The following SVEP1 variants were observed in gnomAD, a reference collection of about 807,000 sequenced individuals.
The protein encoded by SVEP1 is sushi, von Willebrand factor type A, EGF and pentraxin domain-containing protein 1.
SVEP1 carries 164 observed loss-of-function variants against 367.3 expected under a neutral mutation model. That is an observed-to-expected ratio of 0.45 (90% CI 0.39 to 0.51). The LOEUF (loss-of-function observed/expected upper bound fraction) is 0.51. Among genes scored for constraint, SVEP1 ranks in the 20% least tolerant of loss-of-function variants. The pLI, the probability that SVEP1 is intolerant of heterozygous loss-of-function variation, is 0.00. For synonymous variants in SVEP1, 1,666 were observed against 1,611.6 expected (o/e 1.03, Z -0.81); for missense variants, 4,117 against 4,425.3 (o/e 0.93, Z 1.98).
chr9:110,402,280 A>G (rs1827875803), intron 39 of SVEP1, among the ~76,000 whole-genome samples: 1 of 152,126 alleles, frequency 6.6e-6, no homozygotes, highest in Non-Finnish European at 1.5e-5. Context: ...CATGAATACT[A>G]CACTAAGAGT....
chr9:110,388,909 C>T (rs1230334329), intron 41 of SVEP1, among the ~76,000 whole-genome samples: 1 of 152,162 alleles, frequency 6.6e-6, no homozygotes, highest in Non-Finnish European at 1.5e-5. Flanking sequence ...GTGGAGGTTG[C>T]AGTGAGCTGA....
intron 46 of SVEP1, among the ~76,000 whole-genome samples, chr9:110,373,434 G>A (rs945183527): frequency 6.6e-6 from 1 of 152,068 alleles, no homozygotes; most frequent in Non-Finnish European, 1.5e-5. Flanking sequence ...TCTCAAAAAT[G>A]TCCTGGTTTG....
At chr9:110,507,515 T>C (rs1005485709) in intron 5 of SVEP1, among the ~76,000 whole-genome samples, 1 of 152,184 alleles carries the variant, frequency 6.6e-6, no homozygotes, top group Non-Finnish European at 1.5e-5. Context: ...TTAGAGAAAA[T>C]GCAAGAGTTA....
chr9:110,370,386 A>G (rs1287461478), intron 46 of SVEP1, among the ~76,000 whole-genome samples: 1 of 152,108 alleles, frequency 6.6e-6, no homozygotes, highest in Admixed American at 6.6e-5. Context: ...GTTCAATTAG[A>G]TTGTACATTT....
intron 37 of SVEP1, among the ~76,000 whole-genome samples, chr9:110,409,387 A>C (rs1374981717): frequency 6.6e-6 from 1 of 152,170 alleles, no homozygotes; most frequent in Non-Finnish European, 1.5e-5. Context: ...GTGCCACTGC[A>C]CTCCAGCCTG....
intron 45 of SVEP1, 177 bp downstream of exon 45, chr9:110,377,094 T>C (rs1365862206): frequency 6.4e-6 from 3 of 470,726 alleles, no homozygotes; most frequent in African/African-American, 1.9e-5. Context: ...TTCAAAGTCA[T>C]TAATATTCTA....
At chr9:110,379,276 G>A in intron 44 of SVEP1, 71 bp downstream of exon 44, 12 of 1,525,932 alleles carry the variant, frequency 7.9e-6, no homozygotes, top group Non-Finnish European at 1.1e-5. Context: ...ATTAATTGCT[G>A]GACAAATCAG....
chr9:110,389,876 G>C (rs765397904), intron 40 of SVEP1, among the ~76,000 whole-genome samples: 35 of 132,066 alleles, frequency 2.7e-4, no homozygotes, highest in Admixed American at 1.8e-4. Context: ...GACTGACAAA[G>C]AATGCATTAG....
intron 43 of SVEP1, among the ~76,000 whole-genome samples, chr9:110,382,398 T>A (rs908293628): frequency 6.6e-6 from 1 of 152,204 alleles, no homozygotes; most frequent in Non-Finnish European, 1.5e-5. Flanking sequence ...TGGCCCCCAA[T>A]GTCTTCTGGC....
chr9:110,440,700 T>C (rs1828499054), intron 27 of SVEP1, among the ~76,000 whole-genome samples: 1 of 152,096 alleles, frequency 6.6e-6, no homozygotes, highest in Non-Finnish European at 1.5e-5. Flanking sequence ...AAGGAAGATA[T>C]AGAGAGTTTC....
intron 18 of SVEP1, among the ~76,000 whole-genome samples, chr9:110,465,461 C>T (rs1033941836): frequency 1.3e-5 from 2 of 152,096 alleles, no homozygotes; most frequent in Non-Finnish European, 2.9e-5. Flanking sequence ...ACCTTCAACT[C>T]GTAAGGAATG....
chr9:110,512,427 C>T (rs1588087242), intron 5 of SVEP1, among the ~76,000 whole-genome samples: 2 of 151,866 alleles, frequency 1.3e-5, no homozygotes, highest in Admixed American at 1.3e-4. Flanking sequence ...ATTGGTGGTG[C>T]CCACTTTCTA....
rs1215893566 is a variant in SVEP1, at chr9:110,579,694, A to G, written c.-151T>C. Reference sequence around the variant, plus strand: ...AGCGCCCTTTCATCTGACACTGGGGACAGACACAATCCAGACTCCTCAGCA... The same window carrying G: ...AGCGCCCTTTCATCTGACACTGGGGGCAGACACAATCCAGACTCCTCAGCA... On this transcript the variant is annotated 5_prime_UTR_variant, in exon 1 of 48. Coordinates refer to ENST00000374469, the MANE Select transcript of SVEP1 (RefSeq NM_153366.4). The surrounding 1 kb of genome is among the most constrained non-coding windows in gnomAD (Gnocchi z 5.3). 2 of 940,072 alleles carry G rather than the reference A, an allele frequency of 2.1e-6. No individual in the cohort carries two copies. The highest frequency in any genetic ancestry group is 3.6e-5 in the African/African-American group (2 of 56,212). The allele number at this position is 940,072 out of a possible 1,614,324, so 58.2% of individuals were successfully genotyped here.
intron 18 of SVEP1, among the ~76,000 whole-genome samples, chr9:110,459,394 T>G (rs946106055): frequency 1.3e-5 from 2 of 152,104 alleles, no homozygotes; most frequent in Non-Finnish European, 2.9e-5. Context: ...CCCAAATCAT[T>G]CCCCCAGATT....
At position 110,426,693 on chromosome 9, in the gene SVEP1, C is replaced by T. The variant is rs560549031; in HGVS notation, c.5975+898G>A. Among the ~76,000 whole-genome samples, 12 of 152,226 alleles carry T rather than the reference C, an allele frequency of 7.9e-5. 1 individual carries two copies. The South Asian group carries it at 2.5e-3, about 32-fold the overall frequency. On this transcript the variant is annotated intron_variant, in intron 36 of 47. Transcript: ENST00000374469. ...AAACTCAGATGACCTGAGATTTAGC[C>T]ACCCCTCCATACTTTATTGGTTGCA...
intron 3 of SVEP1, among the ~76,000 whole-genome samples, chr9:110,531,200 T>C (rs1830013671): frequency 6.6e-6 from 1 of 152,220 alleles, no homozygotes; most frequent in Admixed American, 6.6e-5. Flanking sequence ...AAATATTTCA[T>C]ATATAGTGAT....
rs570118449 is a variant in SVEP1, at chr9:110,410,239, A to G, written c.6648+824T>C. ...AAAAGTGTTTAATTAGAATATGGTC[A>G]ATTTCAAATGGCCCTTGATTTGGGG... On this transcript the variant is annotated intron_variant, in intron 37 of 47. Coordinates refer to ENST00000374469, the MANE Select transcript of SVEP1 (RefSeq NM_153366.4). Among the ~76,000 whole-genome samples the G allele has an allele frequency of 5.3e-5, 8 of 152,338 alleles. No individual in the cohort carries two copies. The East Asian group carries it at 1.5e-3, about 29-fold the overall frequency.
At chr9:110,519,964 C>G (rs1470836230) in intron 3 of SVEP1, among the ~76,000 whole-genome samples, 1 of 151,904 alleles carries the variant, frequency 6.6e-6, no homozygotes, top group African/African-American at 2.4e-5. Context: ...TAGAATAATA[C>G]TAAAAAGCAA....
At chr9:110,482,568 C>T in intron 10 of SVEP1, 76 bp from the exon 11 acceptor site, 10 of 1,503,738 alleles carry the variant, frequency 6.7e-6, no homozygotes, top group Non-Finnish European at 8.9e-6. Flanking sequence ...ACTCTGTTGC[C>T]CAGGCTGGAG....
Sources: allele counts gnomAD v4.1 joint callset (sites outside exome capture counted in the v4.1 genomes callset), GRCh38; gene constraint gnomAD v4.1.1; non-coding constraint Gnocchi (gnomAD v3.1); transcripts MANE v1.5; gene names NCBI Gene and HGNC (gene_info 2026-07-23, HGNC 2026-07-21).